The following TRAPPC8 variants were observed in gnomAD, a reference collection of about 807,000 sequenced individuals.
The protein encoded by TRAPPC8 is general sporulation gene 1 homolog.
TRAPPC8 carries 54 observed loss-of-function variants against 174.3 expected under a neutral mutation model. That is an observed-to-expected ratio of 0.31 (90% confidence interval 0.25 to 0.39). The LOEUF (loss-of-function observed/expected upper bound fraction) is 0.39. Ranked by LOEUF, TRAPPC8 falls within the 10% of genes least tolerant of loss-of-function variation. The pLI, the probability that TRAPPC8 is intolerant of heterozygous loss-of-function variation, is 1.00. For synonymous variants in TRAPPC8, 630 were observed against 579.9 expected, an observed-to-expected ratio of 1.09 and a Z score of -1.24; for missense variants, 1,531 against 1,699.1, an observed-to-expected ratio of 0.90 and a Z score of 1.74.
At chr18:31,862,696 A>G (rs996857165) in intron 19 of TRAPPC8, among the ~76,000 whole-genome samples, 2 of 152,210 alleles carry the variant, frequency 1.3e-5, no homozygotes, top group Middle Eastern at 3.4e-3. Context: ...ACCACCCATC[A>G]CCATTTTCAT....
chr18:31,853,168 T>C (rs1214334297), intron 22 of TRAPPC8, among the ~76,000 whole-genome samples: 5 of 152,198 alleles, frequency 3.3e-5, no homozygotes, highest in Admixed American at 6.5e-5. Context: ...AGCCAGTCAG[T>C]ACGTAGGTAT....
intron 27 of TRAPPC8, among the ~76,000 whole-genome samples, chr18:31,838,154 A>AT (rs2032873388): frequency 2.0e-5 from 3 of 151,808 alleles, no homozygotes; most frequent in African/African-American, 4.8e-5. Context: ...TTTTTAAAAT[A>AT]TTTTTTCTCT....
At chr18:31,850,794 G>A (rs1466012586) in intron 24 of TRAPPC8, among the ~76,000 whole-genome samples, 1 of 152,000 alleles carries the variant, frequency 6.6e-6, no homozygotes, top group Non-Finnish European at 1.5e-5. Flanking sequence ...TGAAAAATGT[G>A]TTTCTTTCTG....
rs375365467 is a variant in TRAPPC8 at position 31,830,752 on chromosome 18, T to C, written c.*3A>G. 2.2e-5 allele frequency: 35 copies of C among 1,607,978 alleles called. No homozygotes were observed. The African/African-American group carries it at 3.9e-4, about 18-fold the overall frequency. ...GTGGATTTCAGTACAAATTTCCAAG[T>C]TGTCACACATTACTGATGATGATCA... is the stretch of plus-strand genomic sequence containing the variant. On this transcript the variant is annotated 3_prime_UTR_variant, in exon 29 of 29. Coordinates refer to ENST00000283351, the MANE Select transcript of TRAPPC8 (RefSeq NM_014939.5).
intron 5 of TRAPPC8, among the ~76,000 whole-genome samples, chr18:31,910,658 G>A (rs956435374): frequency 6.6e-6 from 1 of 152,176 alleles, no homozygotes; most frequent in African/African-American, 2.4e-5. Context: ...AGAATACAGT[G>A]AGTACTGTCA....
Position 31,830,719 on chromosome 18 carries a change from T to C in TRAPPC8, c.*36A>G, listed in dbSNP as rs1395799782. Reference sequence around the variant, plus strand: ...GCTGTAAAACCCATCCAGCAAAAACTGATTATTGTGGATTTCAGTACAAAT... The same window carrying C: ...GCTGTAAAACCCATCCAGCAAAAACCGATTATTGTGGATTTCAGTACAAAT... On this transcript the variant is annotated 3_prime_UTR_variant, in exon 29 of 29. Coordinates refer to ENST00000283351, the MANE Select transcript of TRAPPC8 (RefSeq NM_014939.5). The C allele has an allele frequency of 5.1e-6, 8 of 1,579,378 alleles. No individual in the cohort carries two copies. The highest frequency in any genetic ancestry group is 6.9e-6 in the Non-Finnish European group (8 of 1,154,990).
intron 11 of TRAPPC8, among the ~76,000 whole-genome samples, chr18:31,896,794 T>C (rs1431694972): frequency 6.6e-6 from 1 of 152,164 alleles, no homozygotes; most frequent in East Asian, 1.9e-4. Context: ...TGGCTAATTT[T>C]TGTATTTTTA....
Position 31,830,596 on chromosome 18 carries a change from C to T in TRAPPC8, c.*159G>A. 1.6e-6 allele frequency: 1 copy of T among 607,598 alleles called. No individual in the cohort carries two copies. The highest frequency in any genetic ancestry group is 2.9e-6 in the Non-Finnish European group (1 of 349,778). The allele number at this position is 607,598 out of a possible 1,614,324, so 37.6% of individuals were successfully genotyped here. ...AAAAGAATGTTAAGTATTCTCAGTCCAACGTGCTTTGCATCATCAACAAAA... is the reference window on the plus strand; with the variant it reads ...AAAAGAATGTTAAGTATTCTCAGTCTAACGTGCTTTGCATCATCAACAAAA... On this transcript the variant is annotated 3_prime_UTR_variant, in exon 29 of 29. Coordinates refer to ENST00000283351, the MANE Select transcript of TRAPPC8 (RefSeq NM_014939.5).
chr18:31,872,801 TGAATA>T (rs1193163508), intron 14 of TRAPPC8, among the ~76,000 whole-genome samples: 3 of 152,152 alleles, frequency 2.0e-5, no homozygotes, highest in Admixed American at 6.5e-5. Flanking sequence ...TTATAAGCAC[TGAATA>T]GAATATTTTA....
chr18:31,873,054 G>A (rs1333323371), intron 14 of TRAPPC8, among the ~76,000 whole-genome samples: 1 of 104,478 alleles, frequency 9.6e-6, no homozygotes, highest in African/African-American at 3.8e-5. Context: ...GTTTCACTCT[G>A]TCGCCCAGGC....
intron 9 of TRAPPC8, among the ~76,000 whole-genome samples, chr18:31,904,005 G>A (rs1378403402): frequency 2.0e-5 from 3 of 152,188 alleles, no homozygotes; most frequent in African/African-American, 7.2e-5. Context: ...GGAGGCCAAG[G>A]CAGGGAGAAT....
At chr18:31,905,120 C>T (rs1231953516) in intron 9 of TRAPPC8, among the ~76,000 whole-genome samples, 2 of 151,760 alleles carry the variant, frequency 1.3e-5, no homozygotes, top group Non-Finnish European at 2.9e-5. Flanking sequence ...TAAATATCTT[C>T]TATAATTTTC....
chr18:31,877,464 T>G (rs530268667), intron 12 of TRAPPC8, among the ~76,000 whole-genome samples: 70 of 150,306 alleles, frequency 4.7e-4, no homozygotes, highest in Non-Finnish European at 8.9e-4. Context: ...TACAAAACAT[T>G]ACCGGGGTGA....
chr18:31,915,769 C>A (rs2037113326), intron 4 of TRAPPC8, among the ~76,000 whole-genome samples: 1 of 151,358 alleles, frequency 6.6e-6, no homozygotes, highest in South Asian at 2.1e-4. Flanking sequence ...CGCCTGTAGT[C>A]CCAGCTACTC....
chr18:31,898,012 A>T, intron 10 of TRAPPC8, 121 bp from the exon 11 acceptor site: 1 of 751,460 alleles, frequency 1.3e-6, no homozygotes, highest in Non-Finnish European at 2.0e-6. Context: ...AGATGGTTCC[A>T]GGACCCTCCA....
At chr18:31,906,207 C>T (rs926429331) in intron 9 of TRAPPC8, among the ~76,000 whole-genome samples, 1 of 148,072 alleles carries the variant, frequency 6.8e-6, no homozygotes, top group Admixed American at 6.8e-5. Context: ...TGGGTATGGT[C>T]GGGCATGCCT....
intron 27 of TRAPPC8, among the ~76,000 whole-genome samples, chr18:31,836,765 T>G (rs961390901): frequency 6.9e-6 from 1 of 144,786 alleles, no homozygotes; most frequent in South Asian, 2.4e-4. Flanking sequence ...AGTCTTTTTT[T>G]TTTTTTTTTT....
chr18:31,888,916 A>G (rs897250315), intron 12 of TRAPPC8, among the ~76,000 whole-genome samples: 3 of 152,216 alleles, frequency 2.0e-5, no homozygotes, highest in African/African-American at 7.2e-5. Context: ...CTGGACCTTA[A>G]AAGTTTTTTT....
chr18:31,877,061 G>C (rs6506945), intron 12 of TRAPPC8, among the ~76,000 whole-genome samples: 99,860 of 152,074 alleles, frequency 0.66, 33,521 homozygotes, highest in South Asian at 0.77. Context: ...AGATGTAACC[G>C]TTAATTTAGG....
Sources: allele counts gnomAD v4.1 joint callset (sites outside exome capture counted in the v4.1 genomes callset), GRCh38; gene constraint gnomAD v4.1.1; transcripts MANE v1.5; gene names NCBI Gene and HGNC (gene_info 2026-07-23, HGNC 2026-07-21).